MACROD2: variants seen among roughly 807,000 people sequenced by gnomAD.
The protein encoded by MACROD2 is ADP-ribose glycohydrolase MACROD2.
A neutral mutation model predicts 70.4 loss-of-function variants in MACROD2; 36 were observed. That is an observed-to-expected ratio of 0.51 (90% CI 0.39 to 0.68). The LOEUF (loss-of-function observed/expected upper bound fraction) is 0.68, where lower values mean the gene tolerates loss of function less well. Ranked by LOEUF, MACROD2 falls within the 30% of genes least tolerant of loss-of-function variation. The probability of loss-of-function intolerance (pLI) is 0.00; values close to 1 mark genes in which losing one functional copy is unlikely to be tolerated. For missense variants in MACROD2, 496 were observed against 538.4 expected (o/e 0.92, Z 0.78); for synonymous variants, 172 against 178.8 (o/e 0.96, Z 0.30).
chr20:14,214,283 A>G (rs2081595865), intron 3 of MACROD2, among the ~76,000 whole-genome samples: 1 of 152,136 alleles, frequency 6.6e-6, no homozygotes, highest in Non-Finnish European at 1.5e-5. Flanking sequence ...TTCAGGCTAA[A>G]AGGCATTAAA....
At chr20:14,445,728 C>T (rs1479385634) in intron 3 of MACROD2, among the ~76,000 whole-genome samples, 3 of 152,070 alleles carry the variant, frequency 2.0e-5, no homozygotes, top group South Asian at 2.1e-4. Flanking sequence ...TAAAAATCAT[C>T]GCAAGGATAG....
At chr20:15,909,738 T>TG (rs2065207134) in intron 10 of MACROD2, among the ~76,000 whole-genome samples, 1 of 151,926 alleles carries the variant, frequency 6.6e-6, no homozygotes, top group Non-Finnish European at 1.5e-5. Context: ...TTAGCCGGGA[T>TG]GGTCTCGATC....
intron 5 of MACROD2, among the ~76,000 whole-genome samples, chr20:15,056,032 C>T (rs1360131983): frequency 3.3e-5 from 5 of 152,118 alleles, no homozygotes; most frequent in Non-Finnish European, 7.4e-5. Context: ...AGTGATCCGC[C>T]TGCCTCGGCC....
In MACROD2 at chr20:14,469,279, G is replaced by C. The variant is rs1169966303; in HGVS notation, c.272-24200G>C. Among the ~76,000 whole-genome samples, 4 of 152,294 alleles carry C rather than the reference G, an allele frequency of 2.6e-5. No individual in the cohort carries two copies. The East Asian group carries it at 7.7e-4, about 29-fold the overall frequency. On this transcript the variant is annotated intron_variant, in intron 3 of 17. Transcript: ENST00000684519. ...CCCCCACTCTCTTCTGGCTTGTAGGGTTTCTGCAGAGAGATCTGCTGTTAG... is the reference window on the plus strand; with the variant it reads ...CCCCCACTCTCTTCTGGCTTGTAGGCTTTCTGCAGAGAGATCTGCTGTTAG...
chr20:15,655,128 C>A (rs559988445), intron 8 of MACROD2, among the ~76,000 whole-genome samples: 3 of 150,880 alleles, frequency 2.0e-5, no homozygotes, highest in Non-Finnish European at 3.0e-5. Context: ...TATGTGTGTG[C>A]GTGTGTGTGT....
chr20:15,881,986 C>T (rs1456312545), intron 9 of MACROD2, among the ~76,000 whole-genome samples: 3 of 152,044 alleles, frequency 2.0e-5, no homozygotes, highest in African/African-American at 7.2e-5. Context: ...TTATTGAATG[C>T]TCATTCTGTG....
At chr20:15,686,582 C>T (rs1250864870) in intron 8 of MACROD2, among the ~76,000 whole-genome samples, 1 of 152,038 alleles carries the variant, frequency 6.6e-6, no homozygotes, top group African/African-American at 2.4e-5. Flanking sequence ...AAATAAAATA[C>T]AATTTGTTGG....
intron 7 of MACROD2, among the ~76,000 whole-genome samples, chr20:15,445,861 G>A (rs2046558553): frequency 1.3e-5 from 2 of 152,102 alleles, no homozygotes; most frequent in African/African-American, 4.8e-5. Flanking sequence ...CCAATGTGTT[G>A]TCCAGCCAAT....
intron 8 of MACROD2, among the ~76,000 whole-genome samples, chr20:15,647,776 G>C (rs1239030239): frequency 6.6e-6 from 1 of 150,730 alleles, no homozygotes; most frequent in South Asian, 2.1e-4. Context: ...CGAGAGTGCA[G>C]TGGTGCAATC....
In MACROD2 at chr20:14,786,549, G is replaced by A. The variant is rs1464524011; in HGVS notation, c.418+101590G>A. Among the ~76,000 whole-genome samples the A allele has an allele frequency of 4.6e-5, 7 of 151,204 alleles. No homozygotes were observed. The South Asian group carries it at 8.3e-4, about 18-fold the overall frequency. The stretch of plus-strand genomic sequence containing the variant: ...TCCACTTTTAAACTCTAAGGGATTC[G>A]TTATCAGAAAAGAAAAAAAAAAAGA... On this transcript the variant is annotated intron_variant, in intron 5 of 17. Transcript: ENST00000684519.
chr20:15,954,014 G>A lies in MACROD2; in HGVS notation c.908-13539G>A, dbSNP rs16996860. The stretch of plus-strand genomic sequence containing the variant: ...ACATGCATGTGTTAAACAGATAGCT[G>A]GCTTTAATGAGCCCAAGATTAAGTG... On this transcript the variant is annotated intron_variant, in intron 12 of 17. Coordinates refer to ENST00000684519, the MANE Select transcript of MACROD2 (RefSeq NM_001351661.2). Among the ~76,000 whole-genome samples, 1,001 of 152,162 alleles carry A rather than the reference G, an allele frequency of 6.6e-3. 15 individuals carry two copies. The highest frequency in any genetic ancestry group is 0.023 in the African/African-American group (959 of 41,524).
intron 2 of MACROD2, chr20:14,052,103 G>C (rs111502737): frequency 2.7e-6 from 1 of 370,122 alleles, no homozygotes; most frequent in Non-Finnish European, 5.4e-6. Context: ...GGGTTGGGAG[G>C]GGGAGAGAAG....
At position 14,571,187 on chromosome 20, in the gene MACROD2, C is replaced by T. The variant is rs375654641; in HGVS notation, c.301+77679C>T. Among the ~76,000 whole-genome samples the T allele has an allele frequency of 2.8e-4, 43 of 152,168 alleles. 1 individual carries two copies. The East Asian group carries it at 3.9e-3, about 14-fold the overall frequency. On this transcript the variant is annotated intron_variant, in intron 4 of 17. Coordinates refer to ENST00000684519, the MANE Select transcript of MACROD2 (RefSeq NM_001351661.2). ...GCCTGGAGAAAAAGAATGTACTAGA[C>T]AAACAGATATATTTGGCTTAGTTTT...
chr20:16,020,169 C>T (rs1464453573), intron 15 of MACROD2, among the ~76,000 whole-genome samples: 2 of 152,174 alleles, frequency 1.3e-5, no homozygotes, highest in Non-Finnish European at 2.9e-5. Context: ...CCTGTTGCCT[C>T]TCTGGCTTCA....
chr20:14,062,453 T>G (rs889915461), intron 2 of MACROD2, among the ~76,000 whole-genome samples: 1 of 152,132 alleles, frequency 6.6e-6, no homozygotes, highest in African/African-American at 2.4e-5. Context: ...AAAACAGCTT[T>G]GTAGTAGCTC....
At chr20:15,726,077 C>G (rs2050858524) in intron 8 of MACROD2, among the ~76,000 whole-genome samples, 1 of 152,052 alleles carries the variant, frequency 6.6e-6, no homozygotes, top group Non-Finnish European at 1.5e-5. Context: ...TCGCTCTCTT[C>G]TCTCACTCTC....
intron 6 of MACROD2, among the ~76,000 whole-genome samples, chr20:15,314,649 C>T (rs6043203): frequency 2.0e-5 from 3 of 152,112 alleles, no homozygotes; most frequent in African/African-American, 7.2e-5. Context: ...TTTATTTTGC[C>T]TAAACTTGAA....
intron 5 of MACROD2, among the ~76,000 whole-genome samples, chr20:15,092,290 A>C (rs1489719713): frequency 6.6e-6 from 1 of 151,602 alleles, no homozygotes; most frequent in Admixed American, 6.6e-5. Flanking sequence ...AAATTTATGC[A>C]CAAACTGACA....
chr20:15,006,805 T>A (rs1425139151), intron 5 of MACROD2, among the ~76,000 whole-genome samples: 4 of 152,200 alleles, frequency 2.6e-5, no homozygotes, highest in Non-Finnish European at 5.9e-5. Flanking sequence ...GCTCTCGGGC[T>A]GGCTGCCTAC....
Sources: gnomAD v4.1 joint callset for allele counts (sites outside exome capture counted in the v4.1 genomes callset) on GRCh38, gnomAD v4.1.1 for gene constraint, MANE v1.5 for transcripts, NCBI Gene and HGNC (gene_info 2026-07-23, HGNC 2026-07-21) for gene names.